The following GRIN2A variants were observed in gnomAD, a reference collection of about 807,000 sequenced individuals.
GRIN2A encodes glutamate ionotropic receptor NMDA type subunit 2A.
GRIN2A carries 22 observed loss-of-function variants against 113.4 expected under a neutral mutation model. The ratio of observed to expected loss-of-function variants is 0.19; its 90% CI spans 0.14 to 0.28. The LOEUF (loss-of-function observed/expected upper bound fraction) is 0.28. Ranked by LOEUF, GRIN2A falls within the 10% of genes least tolerant of loss-of-function variation. The probability of loss-of-function intolerance (pLI) is 1.00; values close to 1 mark genes in which losing one functional copy is unlikely to be tolerated. For synonymous variants in GRIN2A, 827 were observed against 738.4 expected (o/e 1.12, Z -1.94); for missense variants, 1,502 against 1,887.0 (o/e 0.80, Z 3.78).
At chr16:10,035,169 G>A (rs2047001865) in intron 2 of GRIN2A, among the ~76,000 whole-genome samples, 1 of 152,040 alleles carries the variant, frequency 6.6e-6, no homozygotes, top group Admixed American at 6.5e-5. Flanking sequence ...GGGACTACAG[G>A]CACACGTCAC....
At chr16:9,870,211 C>T (rs775422478) in intron 4 of GRIN2A, among the ~76,000 whole-genome samples, 2 of 152,090 alleles carry the variant, frequency 1.3e-5, no homozygotes, top group Non-Finnish European at 2.9e-5. Flanking sequence ...TTTTTAATTC[C>T]ATTTGCTAGT....
intron 2 of GRIN2A, among the ~76,000 whole-genome samples, chr16:10,127,416 C>T (rs1567318369): frequency 6.6e-6 from 1 of 152,214 alleles, no homozygotes; most frequent in Admixed American, 6.5e-5. Flanking sequence ...ACACTACCTC[C>T]CTACCCCCAT....
In GRIN2A at chr16:9,989,931, G is replaced by C. The variant is rs191226170; in HGVS notation, c.415-51380C>G. ...GAAAAGGGATATTTATACACTGCTG[G>C]TGGGAATATAAATTAGTTCAGCCCC... On this transcript the variant is annotated intron_variant, in intron 2 of 12. Coordinates refer to ENST00000330684, the MANE Select transcript of GRIN2A (RefSeq NM_001134407.3). Among the ~76,000 whole-genome samples the C allele has an allele frequency of 2.0e-5, 3 of 152,338 alleles. No homozygotes were observed. In the East Asian group the frequency reaches 5.8e-4, roughly 29 times the overall value.
intron 4 of GRIN2A, among the ~76,000 whole-genome samples, chr16:9,882,885 G>T (rs1190278934): frequency 6.6e-6 from 1 of 152,228 alleles, no homozygotes; most frequent in African/African-American, 2.4e-5. Flanking sequence ...CATCCAGTGA[G>T]AGGAAAGGAA....
intron 2 of GRIN2A, among the ~76,000 whole-genome samples, chr16:10,106,196 T>G (rs946724823): frequency 9.4e-5 from 14 of 149,252 alleles, no homozygotes; most frequent in African/African-American, 2.7e-4. Context: ...AGTTTTTTTT[T>G]TTTGTTTGGG....
At chr16:9,882,692 C>T (rs1168209592) in intron 4 of GRIN2A, among the ~76,000 whole-genome samples, 2 of 152,174 alleles carry the variant, frequency 1.3e-5, no homozygotes, top group East Asian at 3.9e-4. Flanking sequence ...GAGGTTGAGG[C>T]AGGAAGACCC....
Position 10,096,539 on chromosome 16 carries a change from AACACAC to A in GRIN2A, c.414+83453_414+83458del, listed in dbSNP as rs59351819. The stretch of plus-strand genomic sequence containing the variant: ...TTCAATTTTTTTTAAATTGTGGTAA[AACACAC>A]ACACACACACACACACACACACACA... On this transcript the variant is annotated intron_variant, in intron 2 of 12. Coordinates refer to ENST00000330684, the MANE Select transcript of GRIN2A (RefSeq NM_001134407.3). Among the ~76,000 whole-genome samples the A allele has an allele frequency of 8.5e-3, 1,170 of 137,744 alleles. 18 individuals carry two copies. Among genetic ancestry groups the A allele is most frequent in the African/African-American group, 0.029 (1,093 of 37,100 alleles). The allele number at this position is 137,744 out of a possible 152,430, so 90.4% of individuals were successfully genotyped here. A position where few individuals can be genotyped will look rare whatever the true frequency, so the allele number is the denominator to read the frequency against.
At chr16:9,996,486 G>A (rs1486672940) in intron 2 of GRIN2A, among the ~76,000 whole-genome samples, 1 of 152,200 alleles carries the variant, frequency 6.6e-6, no homozygotes, top group Non-Finnish European at 1.5e-5. Context: ...ATCGTTAAGG[G>A]AGAAAATTAA....
chr16:9,871,688 C>T (rs1375089531), intron 4 of GRIN2A, among the ~76,000 whole-genome samples: 1 of 152,046 alleles, frequency 6.6e-6, no homozygotes, highest in East Asian at 1.9e-4. Flanking sequence ...ATAATATGTA[C>T]CATTTGGGGT....
chr16:10,172,487 T>C (rs2050062097), intron 2 of GRIN2A, among the ~76,000 whole-genome samples: 1 of 152,258 alleles, frequency 6.6e-6, no homozygotes, highest in Non-Finnish European at 1.5e-5. Context: ...CACAGCCAAG[T>C]GCCTTCAGGA....
intron 3 of GRIN2A, among the ~76,000 whole-genome samples, chr16:9,895,045 C>T (rs904294500): frequency 9.2e-5 from 14 of 152,174 alleles, no homozygotes; most frequent in African/African-American, 2.4e-4. Flanking sequence ...ATGTATCACA[C>T]CCTGTACCAG....
At chr16:9,891,212 T>A (rs892299307) in intron 3 of GRIN2A, 112 bp from the exon 4 acceptor site, 1 of 717,352 alleles carries the variant, frequency 1.4e-6, no homozygotes, top group Non-Finnish European at 2.5e-6. Flanking sequence ...CTTACAATGC[T>A]ATATTCATCA....
intron 2 of GRIN2A, among the ~76,000 whole-genome samples, chr16:10,089,352 G>T (rs774008555): frequency 1.3e-5 from 2 of 152,108 alleles, no homozygotes; most frequent in Non-Finnish European, 2.9e-5. Context: ...TCATTGAAAC[G>T]TTTACAGTAA....
At chr16:10,096,679 C>A (rs78867630) in intron 2 of GRIN2A, among the ~76,000 whole-genome samples, 27,567 of 151,960 alleles carry the variant, frequency 0.18, 3,164 homozygotes, top group East Asian at 0.43. Context: ...GTGGATTTTA[C>A]TCCACTGTTC....
At chr16:9,874,426 T>C (rs1470702706) in intron 4 of GRIN2A, among the ~76,000 whole-genome samples, 1 of 152,150 alleles carries the variant, frequency 6.6e-6, no homozygotes, top group Non-Finnish European at 1.5e-5. Context: ...AGTGGGATGC[T>C]CTGAGCCGAG....
chr16:10,108,398 G>T (rs557944700), intron 2 of GRIN2A, among the ~76,000 whole-genome samples: 14 of 152,306 alleles, frequency 9.2e-5, no homozygotes, highest in African/African-American at 3.4e-4. Context: ...CACAACATGT[G>T]GGAATTGTGG....
chr16:9,876,579 C>G (rs996217016), intron 4 of GRIN2A, among the ~76,000 whole-genome samples: 2 of 152,128 alleles, frequency 1.3e-5, no homozygotes, highest in South Asian at 2.1e-4. Context: ...GCCCCCACAG[C>G]CTGGTGTTGG....
At chr16:9,821,071 T>A (rs1596463275) in intron 10 of GRIN2A, among the ~76,000 whole-genome samples, 1 of 151,866 alleles carries the variant, frequency 6.6e-6, no homozygotes, top group African/African-American at 2.4e-5. Context: ...GGGGCCTCTG[T>A]CTCCCCCTAC....
intron 4 of GRIN2A, among the ~76,000 whole-genome samples, chr16:9,882,015 C>A (rs568270463): frequency 1.3e-5 from 2 of 152,160 alleles, no homozygotes; most frequent in African/African-American, 4.8e-5. Flanking sequence ...GCTGGATGAA[C>A]TTTTTTGAAG....
Sources: allele counts gnomAD v4.1 joint callset (sites outside exome capture counted in the v4.1 genomes callset), GRCh38; gene constraint gnomAD v4.1.1; transcripts MANE v1.5; gene names NCBI Gene and HGNC (gene_info 2026-07-23, HGNC 2026-07-21).